SYBU: variants seen among roughly 807,000 people sequenced by gnomAD.
The protein encoded by SYBU is GOLSYN A protein.
A neutral mutation model predicts 35.9 loss-of-function variants in SYBU; 21 were observed. That is an observed-to-expected ratio of 0.58 (90% CI 0.41 to 0.84). The LOEUF (loss-of-function observed/expected upper bound fraction) is 0.84, where lower values mean the gene tolerates loss of function less well. SYBU is among the 40% of genes least tolerant of loss of function. The pLI, the probability that SYBU is intolerant of heterozygous loss-of-function variation, is 0.00. For missense variants in SYBU, 768 were observed against 848.2 expected, an observed-to-expected ratio of 0.91 and a Z score of 1.17; for synonymous variants, 319 against 324.3, an observed-to-expected ratio of 0.98 and a Z score of 0.18.
intron 1 of SYBU, among the ~76,000 whole-genome samples, chr8:109,669,187 A>G (rs377151181): frequency 6.4e-4 from 97 of 151,844 alleles, no homozygotes; most frequent in Middle Eastern, 6.8e-3. Context: ...CTAAAAATAC[A>G]AAAAATTAGC....
At chr8:109,587,605 G>A (rs1823772496) in intron 3 of SYBU, among the ~76,000 whole-genome samples, 1 of 152,168 alleles carries the variant, frequency 6.6e-6, no homozygotes, top group South Asian at 2.1e-4. Flanking sequence ...TGGCCTACTA[G>A]GGAACAGATT....
At chr8:109,624,739 A>C (rs865774777) in intron 2 of SYBU, among the ~76,000 whole-genome samples, 1 of 152,218 alleles carries the variant, frequency 6.6e-6, no homozygotes, top group Non-Finnish European at 1.5e-5. Context: ...CACCTTATGA[A>C]ATATATAGAA....
At chr8:109,589,662 A>G (rs1019659274) in intron 3 of SYBU, among the ~76,000 whole-genome samples, 1 of 152,238 alleles carries the variant, frequency 6.6e-6, no homozygotes, top group Non-Finnish European at 1.5e-5. Context: ...TAGGATAATA[A>G]GCGTTCTGTG....
At chr8:109,645,289 C>G, upstream of SYBU, 1 of 456,666 alleles carries the variant, frequency 2.2e-6, no homozygotes, top group Non-Finnish European at 4.4e-6. Context: ...CCTCTCGTAC[C>G]GGAGCCCAGC....
intron 1 of SYBU, among the ~76,000 whole-genome samples, chr8:109,678,070 G>T (rs1178457965): frequency 2.7e-5 from 4 of 147,446 alleles, no homozygotes; most frequent in South Asian, 2.2e-4. Flanking sequence ...GGAGGTGGGG[G>T]TCGCGGTGAG....
upstream of SYBU, chr8:109,648,878 T>C (rs181454600): frequency 6.6e-6 from 1 of 151,590 alleles, no homozygotes; most frequent in African/African-American, 2.4e-5. Flanking sequence ...TTCTGGGGCA[T>C]CGTGAGATTT....
chr8:109,641,988 T>C (rs1313047146), intron 2 of SYBU, among the ~76,000 whole-genome samples: 1 of 152,196 alleles, frequency 6.6e-6, no homozygotes, highest in Non-Finnish European at 1.5e-5. Context: ...CATTCCACTA[T>C]AAAGACACAT....
intron 1 of SYBU, among the ~76,000 whole-genome samples, chr8:109,656,593 G>C (rs1049820951): frequency 6.6e-6 from 1 of 152,214 alleles, no homozygotes; most frequent in South Asian, 2.1e-4. Context: ...GCTCACTTAA[G>C]AATTGCCTTA....
chr8:109,626,567 C>T (rs889573689), intron 2 of SYBU, among the ~76,000 whole-genome samples: 13 of 152,114 alleles, frequency 8.5e-5, no homozygotes, highest in Admixed American at 7.9e-4. Flanking sequence ...TGTGCATGTG[C>T]GTATCATAAA....
intron 3 of SYBU, among the ~76,000 whole-genome samples, chr8:109,608,423 C>T (rs892540227): frequency 2.0e-5 from 3 of 152,094 alleles, no homozygotes; most frequent in Non-Finnish European, 4.4e-5. Flanking sequence ...ACACCAAGCA[C>T]TTTGAGAAAA....
At chr8:109,578,170 C>A (rs142797864) in intron 5 of SYBU, among the ~76,000 whole-genome samples, 153 bp from the exon 6 acceptor site, 1 of 152,128 alleles carries the variant, frequency 6.6e-6, no homozygotes, top group South Asian at 2.1e-4. Flanking sequence ...TAGGTGGTGA[C>A]GACTTTGGGA....
At chr8:109,659,809 T>C (rs1816496034) in intron 1 of SYBU, among the ~76,000 whole-genome samples, 1 of 152,204 alleles carries the variant, frequency 6.6e-6, no homozygotes, top group Admixed American at 6.5e-5. Context: ...GGAAAATATA[T>C]ATTTACTATT....
chr8:109,633,731 T>TTTA (rs919398758), intron 2 of SYBU, among the ~76,000 whole-genome samples: 20 of 152,104 alleles, frequency 1.3e-4, no homozygotes, highest in South Asian at 8.3e-4. Flanking sequence ...AATTATCTTT[T>TTTA]TTATTATTAT....
At chr8:109,669,197 C>T (rs192163731) in intron 1 of SYBU, among the ~76,000 whole-genome samples, 4,207 of 152,032 alleles carry the variant, frequency 0.028, 198 homozygotes, top group African/African-American at 0.094. Flanking sequence ...AAAAAATTAG[C>T]TGGGCGTGGT....
chr8:109,691,457 C>G lies in SYBU; in HGVS notation c.-182G>C, dbSNP rs544608738. ...GGGACCCCGCGTCGCTGCTGGTTTG[C>G]GCTCAGGCCCGGGGAGCCGGGCCCG... On this transcript the variant is annotated 5_prime_UTR_variant, in exon 1 of 8. Transcript: ENST00000422135. The surrounding 1 kb of genome is among the most constrained non-coding windows in gnomAD (Gnocchi z 4.7). The G allele has an allele frequency of 3.2e-6, 2 of 618,878 alleles. No individual in the cohort carries two copies. The highest frequency in any genetic ancestry group is 6.3e-5 in the East Asian group (2 of 31,654). 38.3% of individuals were successfully genotyped at this position (618,878 alleles called of 1,614,324 possible).
intron 3 of SYBU, among the ~76,000 whole-genome samples, chr8:109,609,859 C>T (rs1228599921): frequency 6.6e-6 from 1 of 152,112 alleles, no homozygotes; most frequent in Non-Finnish European, 1.5e-5. Context: ...TCTGTATTTC[C>T]ACCACCTCCA....
intron 3 of SYBU, among the ~76,000 whole-genome samples, chr8:109,590,764 T>C (rs1340038413): frequency 8.7e-6 from 1 of 115,054 alleles, no homozygotes. Context: ...GCTCATAAAA[T>C]TAGAAAAAAA....
chr8:109,591,678 AT>A (rs560004385), intron 3 of SYBU, among the ~76,000 whole-genome samples: 1 of 149,906 alleles, frequency 6.7e-6, no homozygotes, highest in Non-Finnish European at 1.5e-5. Flanking sequence ...CGCCCGGCTA[AT>A]TTTTTTGTAT....
In SYBU at chr8:109,634,273, G is replaced by C. The variant is rs571606391; in HGVS notation, c.229+8455C>G. ...CCAGCTCTTGAGTGGGGCATTTTCT[G>C]GTTTTCTTAGCAAAAAGATCTCTCT... On this transcript the variant is annotated intron_variant, in intron 2 of 6. Coordinates refer to ENST00000276646, the MANE Select transcript of SYBU (RefSeq NM_001099754.2). 4.6e-5 allele frequency among the ~76,000 whole-genome samples: 7 copies of C among 152,138 alleles called. No individual in the cohort carries two copies. In the South Asian group the frequency reaches 1.0e-3, roughly 23 times the overall value.
Sources: gnomAD v4.1 joint callset for allele counts (sites outside exome capture counted in the v4.1 genomes callset) on GRCh38, gnomAD v4.1.1 for gene constraint, Gnocchi (gnomAD v3.1) non-coding constraint, MANE v1.5 for transcripts, NCBI Gene and HGNC (gene_info 2026-07-23, HGNC 2026-07-21) for gene names.